Variants in ZFAND3 observed in about 807,000 individuals in gnomAD.
ZFAND3 encodes the protein AN1-type zinc finger protein 3.
A neutral mutation model predicts 29.6 loss-of-function variants in ZFAND3; 10 were observed. That is an observed-to-expected ratio of 0.34 (90% CI 0.21 to 0.57). The LOEUF is 0.57. Ranked by LOEUF, ZFAND3 falls within the 20% of genes least tolerant of loss-of-function variation. The pLI, the probability that ZFAND3 is intolerant of heterozygous loss-of-function variation, is 0.86. For synonymous variants in ZFAND3, 128 were observed against 112.6 expected, an observed-to-expected ratio of 1.14 and a Z score of -0.87; for missense variants, 230 against 304.5, an observed-to-expected ratio of 0.76 and a Z score of 1.82.
At chr6:38,077,736 G>T (rs1460115426) in intron 3 of ZFAND3, among the ~76,000 whole-genome samples, 2 of 152,178 alleles carry the variant, frequency 1.3e-5, no homozygotes, top group Non-Finnish European at 1.5e-5. Context: ...AGAGTAGATT[G>T]TTGATCTCTA....
At chr6:38,105,345 C>T (rs975293268) in intron 4 of ZFAND3, among the ~76,000 whole-genome samples, 3 of 152,026 alleles carry the variant, frequency 2.0e-5, no homozygotes, top group Non-Finnish European at 4.4e-5. Context: ...TTTGAGGCTG[C>T]CGTGACCTGT....
At chr6:37,876,383 C>T (rs189986400) in intron 1 of ZFAND3, among the ~76,000 whole-genome samples, 8 of 152,216 alleles carry the variant, frequency 5.3e-5, no homozygotes, top group African/African-American at 1.7e-4. Context: ...TTCTTACCTA[C>T]GTGTTAGTGG....
At chr6:37,954,120 TC>T (rs932535774) in intron 2 of ZFAND3, among the ~76,000 whole-genome samples, 6 of 152,142 alleles carry the variant, frequency 3.9e-5, no homozygotes, top group African/African-American at 1.4e-4. Context: ...ATTTAACATA[TC>T]CTTTTTTTCT....
intron 2 of ZFAND3, among the ~76,000 whole-genome samples, chr6:37,946,415 C>T (rs140923720): frequency 1.3e-5 from 2 of 152,312 alleles, no homozygotes; most frequent in African/African-American, 4.8e-5. Context: ...TCCCTATAGG[C>T]CTTTGTCGCA....
chr6:37,863,586 T>G (rs964092520), intron 1 of ZFAND3, among the ~76,000 whole-genome samples: 2 of 152,144 alleles, frequency 1.3e-5, no homozygotes, highest in Non-Finnish European at 2.9e-5. Flanking sequence ...GTGTTATTGC[T>G]TAACAGTTTT....
rs184865642 is a variant in ZFAND3 at position 37,864,729 on chromosome 6, A to G, written c.71+44713A>G. 5.7e-3 allele frequency among the ~76,000 whole-genome samples: 758 copies of G among 132,380 alleles called. 9 individuals are homozygous for G. Among genetic ancestry groups the G allele is most frequent in the African/African-American group, 0.022 (700 of 32,424 alleles). 86.8% of individuals were successfully genotyped at this position (132,380 alleles called of 152,430 possible). A position where few individuals can be genotyped will look rare whatever the true frequency, so the allele number is the denominator to read the frequency against. Reference sequence around the variant, plus strand: ...TTCATATGTTTATGTATGTTTATATATGTGGTTATACACACACACACACAC... The same window carrying G: ...TTCATATGTTTATGTATGTTTATATGTGTGGTTATACACACACACACACAC... On this transcript the variant is annotated intron_variant, in intron 1 of 5. Transcript: ENST00000287218.
intron 1 of ZFAND3, among the ~76,000 whole-genome samples, chr6:37,923,360 A>C (rs1408135156): frequency 1.3e-5 from 2 of 152,188 alleles, no homozygotes. Context: ...CAGGAGCATC[A>C]CTGTCTTCTG....
In ZFAND3 at chr6:37,884,820, A is replaced by G. The variant is rs16868790; in HGVS notation, c.72-45139A>G. On this transcript the variant is annotated intron_variant, in intron 1 of 5. Coordinates refer to ENST00000287218, the MANE Select transcript of ZFAND3 (RefSeq NM_021943.3). The stretch of plus-strand genomic sequence containing the variant: ...TCCTCAAGTTGCTGTTGCATAGAGA[A>G]CATTTATCATACTTCAGTCACTCTA... Among the ~76,000 whole-genome samples, 67 of 152,302 alleles carry G rather than the reference A, an allele frequency of 4.4e-4. 1 individual carries two copies. In the East Asian group the frequency reaches 0.012, roughly 28 times the overall value.
chr6:38,129,478 C>A (rs1765702240), intron 5 of ZFAND3, among the ~76,000 whole-genome samples: 1 of 152,072 alleles, frequency 6.6e-6, no homozygotes, highest in South Asian at 2.1e-4. Context: ...AGTCTTTAAC[C>A]CATCTTGAGT....
intron 5 of ZFAND3, among the ~76,000 whole-genome samples, chr6:38,150,433 C>G (rs1220339594): frequency 6.6e-6 from 1 of 152,204 alleles, no homozygotes; most frequent in African/African-American, 2.4e-5. Context: ...TGCACACAGC[C>G]TGGGCTCAAG....
chr6:37,829,529 C>T (rs7761561), intron 1 of ZFAND3, among the ~76,000 whole-genome samples: 32,683 of 152,050 alleles, frequency 0.21, 4,333 homozygotes, highest in African/African-American at 0.36. Context: ...AGTGAGACTC[C>T]GGCTCGAAAA....
intron 4 of ZFAND3, among the ~76,000 whole-genome samples, chr6:38,093,791 A>T (rs1471308114): frequency 6.6e-6 from 1 of 152,224 alleles, no homozygotes; most frequent in Non-Finnish European, 1.5e-5. Flanking sequence ...GAAATCATTC[A>T]TTATGGAGTT....
chr6:38,110,127 C>T (rs1765285231), intron 4 of ZFAND3, among the ~76,000 whole-genome samples: 1 of 152,118 alleles, frequency 6.6e-6, no homozygotes, highest in Non-Finnish European at 1.5e-5. Flanking sequence ...AAGCTAGATT[C>T]GTCTCCATAT....
chr6:37,826,196 A>T (rs992266172), intron 1 of ZFAND3, among the ~76,000 whole-genome samples: 3 of 152,210 alleles, frequency 2.0e-5, no homozygotes, highest in African/African-American at 7.2e-5. Context: ...CAGCACTTGT[A>T]ATGCAGTACT....
intron 1 of ZFAND3, among the ~76,000 whole-genome samples, chr6:37,874,653 T>C (rs2127389360): frequency 6.6e-6 from 1 of 152,286 alleles, no homozygotes; most frequent in Admixed American, 6.5e-5. Context: ...ATCTGAAGTA[T>C]TGCAGGTTAG....
intron 4 of ZFAND3, among the ~76,000 whole-genome samples, chr6:38,115,951 T>C (rs1765408843): frequency 6.6e-6 from 1 of 152,172 alleles, no homozygotes; most frequent in African/African-American, 2.4e-5. Context: ...AGCTTGCATG[T>C]GTACCAGCAG....
chr6:37,819,888 GC>G lies in ZFAND3; in HGVS notation c.-55del. On this transcript the variant is annotated 5_prime_UTR_variant, in exon 1 of 6. Transcript: ENST00000287218. ...GCCGCCACCGCCTCCTCAGAGCGGGGCCCGGGCCCAGCCGCCGCCACCGCTG... is the reference window on the plus strand; with the variant it reads ...GCCGCCACCGCCTCCTCAGAGCGGGGCCGGGCCCAGCCGCCGCCACCGCTG... 2.6e-6 allele frequency: 3 copies of G among 1,138,110 alleles called. No individual in the cohort carries two copies. The highest frequency in any genetic ancestry group is 7.9e-5 in the East Asian group (2 of 25,420). The allele number at this position is 1,138,110 out of a possible 1,614,324, so 70.5% of individuals were successfully genotyped here.
At chr6:38,074,375 T>C (rs1404504304) in intron 3 of ZFAND3, among the ~76,000 whole-genome samples, 1 of 152,216 alleles carries the variant, frequency 6.6e-6, no homozygotes, top group African/African-American at 2.4e-5. Flanking sequence ...GAAAACATTT[T>C]TGTCAAGTTA....
chr6:38,041,681 TCTTCTCCTTCTC>T (rs1561976778), intron 2 of ZFAND3, among the ~76,000 whole-genome samples: 5 of 13,738 alleles, frequency 3.6e-4, no homozygotes, highest in African/African-American at 8.8e-4. Context: ...TTCTTCTTCT[TCTTCTCCTTCTC>T]CTTCTCCTCC....
Sources: gnomAD v4.1 joint callset for allele counts (sites outside exome capture counted in the v4.1 genomes callset) on GRCh38, gnomAD v4.1.1 for gene constraint, MANE v1.5 for transcripts, NCBI Gene and HGNC (gene_info 2026-07-23, HGNC 2026-07-21) for gene names.